The following PLXNA4 variants were observed in gnomAD, a reference collection of about 807,000 sequenced individuals.
PLXNA4 encodes the protein plexin-A4.
PLXNA4 carries 44 observed loss-of-function variants against 191.8 expected under a neutral mutation model. The ratio of observed to expected loss-of-function variants is 0.23; its 90% CI spans 0.18 to 0.29. The LOEUF (loss-of-function observed/expected upper bound fraction) is 0.29, where lower values mean the gene tolerates loss of function less well. Among genes scored for constraint, PLXNA4 ranks in the 10% least tolerant of loss-of-function variants. The probability of loss-of-function intolerance (pLI) is 1.00; values close to 1 mark genes in which losing one functional copy is unlikely to be tolerated. For missense variants in PLXNA4, 1,800 were observed against 2,488.8 expected (o/e 0.72, Z 5.89); for synonymous variants, 1,082 against 1,009.5 (o/e 1.07, Z -1.36).
intron 3 of PLXNA4, among the ~76,000 whole-genome samples, chr7:132,313,758 C>A (rs187005345): frequency 3.4e-4 from 52 of 152,192 alleles, no homozygotes; most frequent in Admixed American, 2.9e-3. Context: ...GAGTCACTGT[C>A]ATTTTAGAGG....
At chr7:132,283,017 C>A (rs1800545663) in intron 4 of PLXNA4, among the ~76,000 whole-genome samples, 1 of 152,012 alleles carries the variant, frequency 6.6e-6, no homozygotes, top group African/African-American at 2.4e-5. Flanking sequence ...TAACTGGGAC[C>A]TACAGGCGCT....
chr7:132,636,051 T>C (rs921498235), intron 2 of PLXNA4, among the ~76,000 whole-genome samples: 4 of 152,062 alleles, frequency 2.6e-5, no homozygotes, highest in African/African-American at 7.2e-5. Context: ...GGGCATCCCC[T>C]CCAAAAGGCT....
At chr7:132,592,368 T>TG (rs1220771521) in intron 2 of PLXNA4, among the ~76,000 whole-genome samples, 1 of 152,168 alleles carries the variant, frequency 6.6e-6, no homozygotes, top group African/African-American at 2.4e-5. Flanking sequence ...TCAGCTAGAA[T>TG]GCACCCAGGA....
At chr7:132,612,684 A>T (rs796428908) in intron 2 of PLXNA4, among the ~76,000 whole-genome samples, 13 of 150,478 alleles carry the variant, frequency 8.6e-5, no homozygotes, top group African/African-American at 2.9e-4. Flanking sequence ...AAAAAAAAAA[A>T]GTCCTCATCC....
At chr7:132,390,869 G>A (rs1019721433) in intron 3 of PLXNA4, among the ~76,000 whole-genome samples, 1 of 152,172 alleles carries the variant, frequency 6.6e-6, no homozygotes, top group African/African-American at 2.4e-5. Context: ...CTCCTTTTGT[G>A]CTTCTAATGT....
exon 1 of PLXNA4, chr7:132,648,680 G>T (rs1172196548): frequency 3.9e-5 from 6 of 152,122 alleles, no homozygotes; most frequent in East Asian, 1.9e-4. Flanking sequence ...CATGTGGTCT[G>T]CATCTCATGA....
chr7:132,402,387 C>T (rs1293036042), intron 3 of PLXNA4, among the ~76,000 whole-genome samples: 1 of 152,138 alleles, frequency 6.6e-6, no homozygotes, highest in Admixed American at 6.5e-5. Context: ...GCCACCCTAG[C>T]GAGGCACAGG....
chr7:132,258,190 C>T (rs10274622), intron 4 of PLXNA4, among the ~76,000 whole-genome samples: 20,460 of 152,268 alleles, frequency 0.13, 1,519 homozygotes, highest in Non-Finnish European at 0.15. Context: ...CTGGCCAATG[C>T]TTCTTCAAGG....
At chr7:132,396,500 T>C (rs1025886035) in intron 3 of PLXNA4, among the ~76,000 whole-genome samples, 45 of 152,034 alleles carry the variant, frequency 3.0e-4, no homozygotes, top group African/African-American at 1.1e-3. Flanking sequence ...TTATTTTTTT[T>C]GTTTGTTTTT....
intron 4 of PLXNA4, among the ~76,000 whole-genome samples, chr7:132,287,968 T>C (rs1374969264): frequency 1.3e-5 from 2 of 152,236 alleles, no homozygotes; most frequent in East Asian, 3.8e-4. Flanking sequence ...CTGCCTTCTA[T>C]GGCTGGTTCT....
intron 3 of PLXNA4, among the ~76,000 whole-genome samples, chr7:132,449,030 G>A (rs1030368332): frequency 6.6e-6 from 1 of 152,106 alleles, no homozygotes; most frequent in African/African-American, 2.4e-5. Flanking sequence ...GAATTGAATT[G>A]GATTGGTGGC....
In PLXNA4 at chr7:132,607,487, T is replaced by A. The variant is rs552647882; in HGVS notation, c.-87+38441A>T. 7.2e-5 allele frequency among the ~76,000 whole-genome samples: 11 copies of A among 152,238 alleles called. No individual in the cohort carries two copies. In the South Asian group the frequency reaches 2.3e-3, roughly 32 times the overall value. On this transcript the variant is annotated intron_variant, in intron 2 of 4. Transcript: ENST00000378539. ...AGAAATCAAGGAAAAACTTTATAGA[T>A]TGAGAGATGGATAGTTCTGAAACGT...
chr7:132,460,222 G>A (rs1029598097), intron 3 of PLXNA4, among the ~76,000 whole-genome samples: 1 of 152,072 alleles, frequency 6.6e-6, no homozygotes, highest in African/African-American at 2.4e-5. Flanking sequence ...GGCAGGCACA[G>A]TGGTACACAC....
chr7:132,528,045 G>C (rs1260373880), intron 1 of PLXNA4, among the ~76,000 whole-genome samples: 5 of 152,212 alleles, frequency 3.3e-5, no homozygotes, highest in African/African-American at 1.2e-4. Flanking sequence ...AGCCCAATCA[G>C]GGTGACAAGG....
chr7:132,429,573 C>G (rs1046426451), intron 3 of PLXNA4, among the ~76,000 whole-genome samples: 1 of 152,114 alleles, frequency 6.6e-6, no homozygotes, highest in African/African-American at 2.4e-5. Context: ...TTTTCACATG[C>G]CATGATATAT....
intron 4 of PLXNA4, among the ~76,000 whole-genome samples, chr7:132,283,560 C>A (rs1170265147): frequency 2.6e-5 from 4 of 151,988 alleles, no homozygotes; most frequent in African/African-American, 9.7e-5. Context: ...TTCCCCAAAT[C>A]GCAAGAAGAA....
intron 3 of PLXNA4, among the ~76,000 whole-genome samples, chr7:132,487,182 C>T (rs535323564): frequency 4.6e-5 from 7 of 152,310 alleles, no homozygotes; most frequent in African/African-American, 1.7e-4. Flanking sequence ...CCAGCTCAGA[C>T]AATCACACAC....
chr7:132,447,454 G>T (rs1795953381), intron 3 of PLXNA4, among the ~76,000 whole-genome samples: 1 of 152,162 alleles, frequency 6.6e-6, no homozygotes, highest in Non-Finnish European at 1.5e-5. Context: ...GGGGTAATTG[G>T]ACCTCTTGTG....
At chr7:132,529,447 A>T (rs914067064) in intron 1 of PLXNA4, among the ~76,000 whole-genome samples, 2 of 152,204 alleles carry the variant, frequency 1.3e-5, no homozygotes, top group African/African-American at 2.4e-5. Context: ...AATTTGGGAC[A>T]TGAAGGCTGT....
Sources: gnomAD v4.1 joint callset for allele counts (sites outside exome capture counted in the v4.1 genomes callset) on GRCh38, gnomAD v4.1.1 for gene constraint, MANE v1.5 for transcripts, NCBI Gene and HGNC (gene_info 2026-07-23, HGNC 2026-07-21) for gene names.